Variants in ACYP2 observed in about 807,000 individuals in gnomAD.
The protein encoded by ACYP2 is acylphosphatase-2.
A neutral mutation model predicts 11.2 loss-of-function variants in ACYP2; 12 were observed. That is an observed-to-expected ratio of 1.08 (90% CI 0.69 to 1.74). The LOEUF is 1.74. Among genes scored for constraint, ACYP2 ranks in the 40% most tolerant of loss-of-function variants. ACYP2 has a pLI of 0.00. For synonymous variants in ACYP2, 43 were observed against 32.2 expected (o/e 1.33, Z -1.13); for missense variants, 134 against 101.9 (o/e 1.31, Z -1.35).
intron 4 of ACYP2, among the ~76,000 whole-genome samples, chr2:54,086,924 A>G (rs1677977841): frequency 6.6e-6 from 1 of 152,252 alleles, no homozygotes; most frequent in Admixed American, 6.5e-5. Flanking sequence ...GGTTTAGCAC[A>G]GGATTTTCCA....
chr2:53,980,352 CA>C (rs1046550768), intron 2 of ACYP2, among the ~76,000 whole-genome samples: 11 of 144,962 alleles, frequency 7.6e-5, no homozygotes, highest in Admixed American at 2.8e-4. Context: ...GACCCTGTCT[CA>C]AAAAAAAAAT....
At chr2:54,254,996 C>T in intron 6 of ACYP2, 2 of 1,614,120 alleles carry the variant, frequency 1.2e-6, no homozygotes, top group South Asian at 2.2e-5. Flanking sequence ...CTATGGGCGT[C>T]TTCACCCAAC....
At chr2:54,153,574 T>C (rs1682292052) in intron 6 of ACYP2, among the ~76,000 whole-genome samples, 1 of 150,638 alleles carries the variant, frequency 6.6e-6, no homozygotes, top group East Asian at 1.9e-4. Context: ...AAGCTGAAGG[T>C]CATTTTGGGT....
At chr2:54,039,263 T>C (rs924229265) in intron 2 of ACYP2, among the ~76,000 whole-genome samples, 3 of 151,464 alleles carry the variant, frequency 2.0e-5, no homozygotes, top group African/African-American at 7.3e-5. Flanking sequence ...CTTTAATTTT[T>C]TTTTTCTTTT....
chr2:54,019,520 C>G (rs1673883524), intron 2 of ACYP2, among the ~76,000 whole-genome samples: 1 of 152,086 alleles, frequency 6.6e-6, no homozygotes, highest in Non-Finnish European at 1.5e-5. Context: ...AGGCTAATCT[C>G]AAACTCCTGG....
intron 4 of ACYP2, among the ~76,000 whole-genome samples, chr2:54,073,117 G>A (rs899902116): frequency 1.3e-5 from 2 of 152,118 alleles, no homozygotes; most frequent in African/African-American, 2.4e-5. Context: ...TGACAACGGC[G>A]CTAAGACAAT....
intron 2 of ACYP2, among the ~76,000 whole-genome samples, chr2:54,032,000 A>G (rs201349913): frequency 0.075 from 11,444 of 151,834 alleles, 583 homozygotes; most frequent in East Asian, 0.27. Flanking sequence ...AAATTTCTTT[A>G]AGTTCTTTGT....
At chr2:54,258,195 T>G (rs1056609158) in intron 6 of ACYP2, among the ~76,000 whole-genome samples, 1 of 151,318 alleles carries the variant, frequency 6.6e-6, no homozygotes, top group South Asian at 2.1e-4. Flanking sequence ...GAAAAAACAA[T>G]AGAGCAAGGA....
intron 5 of ACYP2, among the ~76,000 whole-genome samples, chr2:54,136,602 T>C (rs923502282): frequency 6.6e-6 from 1 of 152,230 alleles, no homozygotes; most frequent in Non-Finnish European, 1.5e-5. Context: ...TTTTGATTTG[T>C]GTTGTTTCAT....
intron 4 of ACYP2, among the ~76,000 whole-genome samples, chr2:54,096,049 G>C (rs1678545142): frequency 8.2e-6 from 1 of 122,074 alleles, no homozygotes; most frequent in African/African-American, 3.2e-5. Context: ...GGCCGGGCGG[G>C]GGGCTGACCC....
At chr2:54,288,683 C>T (rs554927346) in intron 6 of ACYP2, among the ~76,000 whole-genome samples, 1 of 152,128 alleles carries the variant, frequency 6.6e-6, no homozygotes, top group South Asian at 2.1e-4. Context: ...AGGATCAATT[C>T]CTTGACCAGA....
chr2:54,130,755 A>G (rs1220189743), intron 4 of ACYP2, among the ~76,000 whole-genome samples: 1 of 152,204 alleles, frequency 6.6e-6, no homozygotes, highest in African/African-American at 2.4e-5. Context: ...ATGGGTTTGA[A>G]TATTTAACTA....
intron 6 of ACYP2, among the ~76,000 whole-genome samples, chr2:54,264,537 C>T (rs559504578): frequency 2.2e-4 from 34 of 152,272 alleles, no homozygotes; most frequent in Non-Finnish European, 4.6e-4. Context: ...CCAGGAAGGG[C>T]GGAAGCCAGG....
At chr2:54,108,922 T>C (rs1679313917) in intron 4 of ACYP2, among the ~76,000 whole-genome samples, 1 of 152,236 alleles carries the variant, frequency 6.6e-6, no homozygotes, top group Non-Finnish European at 1.5e-5. Flanking sequence ...TTTTATATTA[T>C]TTCTTCCTCT....
intron 6 of ACYP2, among the ~76,000 whole-genome samples, chr2:54,263,824 T>C (rs776767275): frequency 2.0e-5 from 3 of 152,226 alleles, no homozygotes; most frequent in Non-Finnish European, 4.4e-5. Flanking sequence ...ACATACACCA[T>C]ATACTGAACT....
intron 2 of ACYP2, among the ~76,000 whole-genome samples, chr2:53,974,745 G>C (rs192576091): frequency 4.1e-4 from 63 of 152,320 alleles, no homozygotes; most frequent in Non-Finnish European, 6.8e-4. Flanking sequence ...AGTGATGGTA[G>C]TGTTAGCTAT....
chr2:54,012,705 C>T (rs551052752), intron 2 of ACYP2, among the ~76,000 whole-genome samples: 5 of 152,250 alleles, frequency 3.3e-5, no homozygotes, highest in African/African-American at 1.2e-4. Context: ...CTCTGTCTGG[C>T]GCGGGTTGTT....
At chr2:54,207,233 A>G (rs1685114441) in intron 6 of ACYP2, among the ~76,000 whole-genome samples, 1 of 140,756 alleles carries the variant, frequency 7.1e-6, no homozygotes, top group African/African-American at 2.5e-5. Context: ...GAAATGGCTC[A>G]TGCAATTATG....
chr2:54,161,473 A>G (rs1384097199), intron 6 of ACYP2, among the ~76,000 whole-genome samples: 3 of 152,210 alleles, frequency 2.0e-5, no homozygotes, highest in African/African-American at 7.2e-5. Context: ...TCAGGTAAGA[A>G]CTGGGTCCTT....
Sources: gnomAD v4.1 joint callset for allele counts (sites outside exome capture counted in the v4.1 genomes callset) on GRCh38, gnomAD v4.1.1 for gene constraint, MANE v1.5 for transcripts, NCBI Gene and HGNC (gene_info 2026-07-23, HGNC 2026-07-21) for gene names.